DOCK8: variants seen among roughly 807,000 people sequenced by gnomAD.
DOCK8 encodes dedicator of cytokinesis protein 8.
DOCK8 carries 141 observed loss-of-function variants against 245.6 expected under a neutral mutation model. The ratio of observed to expected loss-of-function variants is 0.57; its 90% CI spans 0.50 to 0.66. The LOEUF (loss-of-function observed/expected upper bound fraction) is 0.66. Ranked by LOEUF, DOCK8 falls within the 30% of genes least tolerant of loss-of-function variation. DOCK8 has a pLI of 0.00. For missense variants in DOCK8, 2,965 were observed against 2,603.4 expected, an observed-to-expected ratio of 1.14 and a Z score of -3.02; for synonymous variants, 1,168 against 970.2, an observed-to-expected ratio of 1.20 and a Z score of -3.79.
At chr9:243,073 C>G (rs932528851) in intron 1 of DOCK8, among the ~76,000 whole-genome samples, 3 of 152,112 alleles carry the variant, frequency 2.0e-5, no homozygotes, top group African/African-American at 7.2e-5. Flanking sequence ...CCTTTTCAAA[C>G]TAAAGATTCT....
At chr9:457,689 A>G (rs1275192099) in intron 46 of DOCK8, among the ~76,000 whole-genome samples, 1 of 152,214 alleles carries the variant, frequency 6.6e-6, no homozygotes. Flanking sequence ...TTCATCAACT[A>G]TGAAATAAAG....
At chr9:368,448 A>T (rs1052804351) in intron 15 of DOCK8, 2 of 612,906 alleles carry the variant, frequency 3.3e-6, no homozygotes, top group African/African-American at 3.7e-5. Flanking sequence ...AAGTAAAGAG[A>T]TGGCTCAACA....
chr9:226,737 G>C (rs2131357973), intron 1 of DOCK8, among the ~76,000 whole-genome samples: 1 of 152,260 alleles, frequency 6.6e-6, no homozygotes, highest in East Asian at 1.9e-4. Context: ...GTTTAACTGG[G>C]GACATATGGA....
At chr9:365,302 C>A (rs2052929910) in intron 14 of DOCK8, among the ~76,000 whole-genome samples, 1 of 152,096 alleles carries the variant, frequency 6.6e-6, no homozygotes, top group African/African-American at 2.4e-5. Flanking sequence ...GAGACAGGGA[C>A]AAGGTAAGTT....
chr9:406,503 AAAAAAAAG>A (rs2055424293), intron 27 of DOCK8, among the ~76,000 whole-genome samples: 1 of 151,256 alleles, frequency 6.6e-6, no homozygotes, highest in Admixed American at 6.6e-5. Context: ...AAAAAAAAAA[AAAAAAAAG>A]AAGGTACCTG....
intron 14 of DOCK8, among the ~76,000 whole-genome samples, chr9:357,394 G>A (rs2052494798): frequency 6.6e-6 from 1 of 152,150 alleles, no homozygotes; most frequent in Non-Finnish European, 1.5e-5. Flanking sequence ...TTTTCTCACT[G>A]AAAGAAATCT....
intron 22 of DOCK8, 44 bp from the exon 23 acceptor site, chr9:386,285 CTT>C (rs1563993297): frequency 6.5e-7 from 1 of 1,549,492 alleles, no homozygotes; most frequent in Admixed American, 1.7e-5. Context: ...TCTGGCTTAC[CTT>C]TCCATGGTTG....
chr9:387,730 A>G (rs541008003), intron 23 of DOCK8, among the ~76,000 whole-genome samples: 2 of 152,366 alleles, frequency 1.3e-5, no homozygotes, highest in South Asian at 4.1e-4. Flanking sequence ...GGCTAAAAAC[A>G]AATTAGTCCA....
intron 1 of DOCK8, among the ~76,000 whole-genome samples, chr9:243,999 A>G (rs1365088312): frequency 1.3e-5 from 2 of 151,956 alleles, no homozygotes; most frequent in South Asian, 2.1e-4. Flanking sequence ...CCTGGCTAAC[A>G]TGGTGAAACC....
At chr9:316,895 C>G (rs1198977329) in intron 6 of DOCK8, 148 bp from the exon 7 acceptor site, 2 of 691,660 alleles carry the variant, frequency 2.9e-6, no homozygotes, top group Non-Finnish European at 5.2e-6. Flanking sequence ...GGAAGAGAAA[C>G]TTTCTTATAA....
chr9:284,453 T>C (rs971536952), intron 2 of DOCK8: 1 of 152,172 alleles, frequency 6.6e-6, no homozygotes, highest in Non-Finnish European at 1.5e-5. Context: ...ACCGACTCTG[T>C]CCCTTCTCAT....
chr9:217,418 C>T (rs1408987121), intron 1 of DOCK8, among the ~76,000 whole-genome samples: 1 of 152,120 alleles, frequency 6.6e-6, no homozygotes, highest in Non-Finnish European at 1.5e-5. Flanking sequence ...CCTGTGCCTT[C>T]CATCTGGTGC....
chr9:462,447 T>G (rs1452631029), intron 46 of DOCK8, among the ~76,000 whole-genome samples: 1 of 152,258 alleles, frequency 6.6e-6, no homozygotes, highest in Non-Finnish European at 1.5e-5. Context: ...TGCAGCATTT[T>G]TCTAAACCCT....
intron 2 of DOCK8, among the ~76,000 whole-genome samples, chr9:285,587 G>A (rs903127539): frequency 6.6e-6 from 1 of 151,942 alleles, no homozygotes; most frequent in Non-Finnish European, 1.5e-5. Flanking sequence ...ACTTTCTTAG[G>A]GTGGTCATTC....
chr9:370,608 G>A (rs1488405271), intron 16 of DOCK8, among the ~76,000 whole-genome samples: 2 of 152,176 alleles, frequency 1.3e-5, no homozygotes, highest in African/African-American at 4.8e-5. Flanking sequence ...CTTGCTTTGA[G>A]ACCCTGGAGG....
intron 1 of DOCK8, chr9:268,404 C>T (rs2048082763): frequency 6.6e-6 from 1 of 152,178 alleles, no homozygotes; most frequent in Admixed American, 6.5e-5. Flanking sequence ...TACCAGTTGA[C>T]CCTGTTTAAG....
At chr9:241,441 G>A (rs1002516218) in intron 1 of DOCK8, among the ~76,000 whole-genome samples, 1 of 151,994 alleles carries the variant, frequency 6.6e-6, no homozygotes, top group African/African-American at 2.4e-5. Context: ...CTATGAGATC[G>A]AAGTTTTTTA....
At chr9:394,751 C>G (rs915444525) in intron 24 of DOCK8, among the ~76,000 whole-genome samples, 6 of 152,196 alleles carry the variant, frequency 3.9e-5, no homozygotes, top group African/African-American at 1.2e-4. Context: ...GCCACAAAGG[C>G]CCATATAGGG....
intron 2 of DOCK8, among the ~76,000 whole-genome samples, chr9:273,778 CCTAGTTCAAGCAATTCT>C (rs1261682210): frequency 4.0e-5 from 6 of 148,754 alleles, no homozygotes; most frequent in African/African-American, 1.5e-4. Flanking sequence ...ACCTCTGCCT[CCTAGTTCAAGCAATTCT>C]CCTGTAGTTC....
Sources: gnomAD v4.1 joint callset for allele counts (sites outside exome capture counted in the v4.1 genomes callset) on GRCh38, gnomAD v4.1.1 for gene constraint, MANE v1.5 for transcripts, NCBI Gene and HGNC (gene_info 2026-07-23, HGNC 2026-07-21) for gene names.